The following CCDC97 variants were observed in gnomAD, a reference collection of about 807,000 sequenced individuals.
The protein encoded by CCDC97 is coiled-coil domain containing 97, also known as coiled-coil domain-containing protein 97.
In CCDC97, 27 loss-of-function variants were observed where a neutral mutation model predicts 33.9. That is an observed-to-expected ratio of 0.80 (90% CI 0.59 to 1.10). The LOEUF (loss-of-function observed/expected upper bound fraction) is 1.10. Ranked by LOEUF, CCDC97 falls within the 50% of genes least tolerant of loss-of-function variation. The pLI is 0.00. For synonymous variants in CCDC97, 217 were observed against 194.0 expected (o/e 1.12, Z -0.99); for missense variants, 422 against 476.6 (o/e 0.89, Z 1.07).
intron 2 of CCDC97, among the ~76,000 whole-genome samples, chr19:41,318,215 G>A (rs1040762960): frequency 6.6e-6 from 1 of 151,668 alleles, no homozygotes; most frequent in East Asian, 1.9e-4. Context: ...TTGGGAGGCC[G>A]AGGCAGGCAA....
chr19:41,319,190 T>C (rs758745888), intron 2 of CCDC97, among the ~76,000 whole-genome samples: 1 of 152,218 alleles, frequency 6.6e-6, no homozygotes, highest in Non-Finnish European at 1.5e-5. Context: ...TGCACACACA[T>C]GCTTGGATGC....
At chr19:41,321,673 T>G (rs1032163230) in intron 4 of CCDC97, among the ~76,000 whole-genome samples, 1 of 152,150 alleles carries the variant, frequency 6.6e-6, no homozygotes, top group African/African-American at 2.4e-5. Context: ...AAGGCCTCTC[T>G]GAGGGGCTGA....
At chr19:41,322,571 C>T in intron 4 of CCDC97, 24 bp from the exon 5 acceptor site, 1 of 1,609,144 alleles carries the variant, frequency 6.2e-7, no homozygotes, top group Non-Finnish European at 8.5e-7. Context: ...AGACCCAGTC[C>T]TTGACAGCCT....
At chr19:41,314,210 G>A (rs2037718530) in intron 1 of CCDC97, among the ~76,000 whole-genome samples, 1 of 151,088 alleles carries the variant, frequency 6.6e-6, no homozygotes, top group East Asian at 2.0e-4. Flanking sequence ...GCAATGGCAC[G>A]ATCTTGGCTC....
At chr19:41,310,508 T>G (rs1281613426) in intron 1 of CCDC97, 152 bp downstream of exon 1, 4 of 1,461,796 alleles carry the variant, frequency 2.7e-6, no homozygotes, top group Non-Finnish European at 3.6e-6. Context: ...GCCCAGATTA[T>G]TCCCTCCCTT....
intron 2 of CCDC97, among the ~76,000 whole-genome samples, chr19:41,318,271 A>T (rs1229699338): frequency 6.6e-6 from 1 of 152,132 alleles, no homozygotes; most frequent in Non-Finnish European, 1.5e-5. Context: ...CAACATGGTG[A>T]AACCCCGGCT....
chr19:41,318,481 TGC>T (rs1293207980), intron 2 of CCDC97, among the ~76,000 whole-genome samples: 1 of 152,134 alleles, frequency 6.6e-6, no homozygotes, highest in Non-Finnish European at 1.5e-5. Flanking sequence ...TGCTAGAGGA[TGC>T]CACAAACAGC....
chr19:41,310,368 G>C lies in CCDC97; in HGVS notation c.46+12G>C. ...GGAACCCGATAAGGGTGAGATCTTG[G>C]TCACGCGCAGGCGGCGGGTGGGTGC... On this transcript the variant is annotated intron_variant, in intron 1 of 4. Transcript: ENST00000269967. 6.2e-7 allele frequency: 1 copy of C among 1,602,078 alleles called. No homozygotes were observed.
chr19:41,320,407 A>G lies in CCDC97; in HGVS notation c.848A>G (p.Glu283Gly). ...PDSEERLILR[E>G]EFTSRMHQRF... ...TCGGAGGAGAGGCTGATCCTGCGAGAGGAGTTCACCAGCCGCATGCACCAG... is the reference window on the plus strand; with the variant it reads ...TCGGAGGAGAGGCTGATCCTGCGAGGGGAGTTCACCAGCCGCATGCACCAG... Residue 283 changes from glutamate to glycine, a missense_variant, in exon 4 of 5, where the codon GAG (glutamate) becomes GGG (glycine). Transcript: ENST00000269967. 1 of 1,614,064 alleles carries G rather than the reference A, an allele frequency of 6.2e-7. No homozygotes were observed. Among genetic ancestry groups the G allele is most frequent in the Non-Finnish European group, 8.5e-7 (1 of 1,179,992 alleles).
At chr19:41,312,769 C>G (rs1427101583) in intron 1 of CCDC97, among the ~76,000 whole-genome samples, 1 of 152,122 alleles carries the variant, frequency 6.6e-6, no homozygotes, top group Non-Finnish European at 1.5e-5. Context: ...ACTCCAATCT[C>G]TGCTTCCCCT....
rs1325194465 is a variant in CCDC97 at position 41,319,731 on chromosome 19, C to T, written c.660C>T (p.Leu220=). Reference sequence around the variant, plus strand: ...CCCCCGGGAGACCTGCTTGCCCGCTCTCCAACTTGCTGCTCCAGTCCTACG... The same window carrying T: ...CCCCCGGGAGACCTGCTTGCCCGCTTTCCAACTTGCTGCTCCAGTCCTACG... ...PGSPGRPACP[L]SNLLLQSYEE... Residue 220 remains leucine, a synonymous_variant, in exon 3 of 5, where the codon CTC becomes CTT. Coordinates refer to ENST00000269967, the MANE Select transcript of CCDC97 (RefSeq NM_052848.3). 6 of 1,613,956 alleles carry T rather than the reference C, an allele frequency of 3.7e-6. No homozygotes were observed. Among genetic ancestry groups the T allele is most frequent in the Middle Eastern group, 1.7e-4 (1 of 6,054 alleles).
rs558756744 is a variant in CCDC97 at position 41,316,800 on chromosome 19, C to T, written c.463C>T (p.Arg155Cys). ...ARPRTLRTRL[R>C]NRRYAALREL... is the part of the protein sequence containing the mutation. ...GCCCCGCACCCTGCGTACCCGCCTGCGTAACCGGCGCTATGCTGCCCTGCG... is the reference window on the plus strand; with the variant it reads ...GCCCCGCACCCTGCGTACCCGCCTGTGTAACCGGCGCTATGCTGCCCTGCG... The change falls in exon 2 of 5, where the codon CGT (arginine) becomes TGT (cysteine). Residue 155 changes from arginine to cysteine, a missense_variant. Coordinates refer to ENST00000269967, the MANE Select transcript of CCDC97 (RefSeq NM_052848.3). 9.9e-5 allele frequency: 158 copies of T among 1,599,778 alleles called. 2 individuals carry two copies. The South Asian group carries it at 1.2e-3, about 12-fold the overall frequency.
chr19:41,322,387 C>T (rs1385127262), intron 4 of CCDC97, among the ~76,000 whole-genome samples: 1 of 152,244 alleles, frequency 6.6e-6, no homozygotes, highest in Non-Finnish European at 1.5e-5. Context: ...CCACCATGCC[C>T]AGCCCAGAGT....
rs868785146 is a variant in CCDC97, at chr19:41,310,214, C to G, written c.-97C>G. 1.6e-4 allele frequency: 236 copies of G among 1,514,858 alleles called. 2 individuals are homozygous for G. The South Asian group carries it at 2.2e-3, about 14-fold the overall frequency. 93.8% of individuals were successfully genotyped at this position (1,514,858 alleles called of 1,614,324 possible). A position where few individuals can be genotyped will look rare whatever the true frequency, so the allele number is the denominator to read the frequency against. ...GCCTGGGCGCAGCGGTGCACCCGGA[C>G]CCGGAACATTCTCAGGCGAAAGTGT... On this transcript the variant is annotated 5_prime_UTR_variant, in exon 1 of 5. Coordinates refer to ENST00000269967, the MANE Select transcript of CCDC97 (RefSeq NM_052848.3).
In CCDC97 at chr19:41,322,735, C is replaced by A. The variant is rs965597238; in HGVS notation, c.*20C>A. ...GACTGATGGCCGCCACCCTTCCCAC[C>A]GCCTGCCCCATCCCCATCCCCAACA... On this transcript the variant is annotated 3_prime_UTR_variant, in exon 5 of 5. Coordinates refer to ENST00000269967, the MANE Select transcript of CCDC97 (RefSeq NM_052848.3). 2 of 1,609,956 alleles carry A rather than the reference C, an allele frequency of 1.2e-6. No individual in the cohort carries two copies. The highest frequency in any genetic ancestry group is 1.1e-5 in the South Asian group (1 of 90,698).
At chr19:41,312,313 G>T (rs921137694) in intron 1 of CCDC97, among the ~76,000 whole-genome samples, 4 of 152,128 alleles carry the variant, frequency 2.6e-5, no homozygotes, top group African/African-American at 9.7e-5. Context: ...TCGAACTTCT[G>T]ACCTCAAGAG....
At chr19:41,320,188 A>T (rs1480247317) in intron 3 of CCDC97, among the ~76,000 whole-genome samples, 153 bp from the exon 4 acceptor site, 2 of 152,110 alleles carry the variant, frequency 1.3e-5, no homozygotes, top group Admixed American at 1.3e-4. Context: ...GTGTCCCTGG[A>T]GGGCAGGGAC....
chr19:41,320,774 A>C (rs1599876800), intron 4 of CCDC97: 1 of 287,706 alleles, frequency 3.5e-6, no homozygotes, highest in Admixed American at 4.6e-5. Flanking sequence ...CTACTACCCC[A>C]AGCCCCCCAA....
At position 41,323,127 on chromosome 19, in the gene CCDC97, C is replaced by T. The variant is rs544269170; in HGVS notation, c.*412C>T. The T allele has an allele frequency of 1.2e-5, 2 of 164,774 alleles. 1 individual carries two copies. Among genetic ancestry groups the T allele is most frequent in the Non-Finnish European group, 2.7e-5 (2 of 75,084 alleles). 10.2% of individuals were successfully genotyped at this position (164,774 alleles called of 1,614,324 possible). On this transcript the variant is annotated 3_prime_UTR_variant, in exon 5 of 5. Transcript: ENST00000269967. The stretch of plus-strand genomic sequence containing the variant: ...CCTCCCCTTGCCGGAGGCCAGCTGG[C>T]AGGGCCTTTCGTGGCTGGAAGTGGC...
Sources: gnomAD v4.1 joint callset for allele counts (sites outside exome capture counted in the v4.1 genomes callset) on GRCh38, gnomAD v4.1.1 for gene constraint, MANE v1.5 for transcripts, NCBI Gene and HGNC (gene_info 2026-07-23, HGNC 2026-07-21) for gene names.